GRK3: variants seen among roughly 807,000 people sequenced by gnomAD.
The protein encoded by GRK3 is G protein-coupled receptor kinase 3.
In GRK3, 54 loss-of-function variants were observed where a neutral mutation model predicts 95.7. The observed-to-expected ratio is 0.56, with a 90% CI of 0.45 to 0.71. GRK3 has a LOEUF of 0.71. Among genes scored for constraint, GRK3 ranks in the 30% least tolerant of loss-of-function variants. The pLI, the probability that GRK3 is intolerant of heterozygous loss-of-function variation, is 0.00. For synonymous variants in GRK3, 281 were observed against 290.8 expected, an observed-to-expected ratio of 0.97 and a Z score of 0.34; for missense variants, 649 against 851.2, an observed-to-expected ratio of 0.76 and a Z score of 2.96.
chr22:25,610,893 G>C (rs1285358102), intron 2 of GRK3, among the ~76,000 whole-genome samples: 1 of 151,884 alleles, frequency 6.6e-6, no homozygotes. Context: ...ATAGAGCCTT[G>C]CTGTGCTACC....
chr22:25,667,078 C>T (rs1025718790), intron 5 of GRK3, among the ~76,000 whole-genome samples: 2 of 152,140 alleles, frequency 1.3e-5, no homozygotes, highest in African/African-American at 2.4e-5. Context: ...TAGCCATGGA[C>T]CTTCTCAGAG....
chr22:25,617,492 T>C (rs761345966), intron 2 of GRK3, among the ~76,000 whole-genome samples: 1 of 152,250 alleles, frequency 6.6e-6, no homozygotes, highest in African/African-American at 2.4e-5. Flanking sequence ...ATAAATGTGC[T>C]CTGTACTTGT....
intron 6 of GRK3, among the ~76,000 whole-genome samples, chr22:25,670,935 T>TC (rs2084976764): frequency 6.8e-6 from 1 of 147,402 alleles, no homozygotes; most frequent in Non-Finnish European, 1.5e-5. Context: ...GCCCCTGTAG[T>TC]CCCAGCTACT....
At chr22:25,694,080 T>G (rs2085187398) in intron 12 of GRK3, among the ~76,000 whole-genome samples, 1 of 152,180 alleles carries the variant, frequency 6.6e-6, no homozygotes, top group Non-Finnish European at 1.5e-5. Context: ...CATGAGTCAG[T>G]GCACACGGCC....
chr22:25,674,211 C>T (rs2085008135), intron 7 of GRK3, among the ~76,000 whole-genome samples: 3 of 152,144 alleles, frequency 2.0e-5, no homozygotes, highest in Non-Finnish European at 4.4e-5. Context: ...CTTGTGCCTC[C>T]ATTTGGTGCC....
At chr22:25,619,185 G>A (rs1457564298) in intron 2 of GRK3, among the ~76,000 whole-genome samples, 1 of 152,034 alleles carries the variant, frequency 6.6e-6, no homozygotes, top group East Asian at 1.9e-4. Flanking sequence ...TGGCTTCCAG[G>A]TTACCCATAA....
At chr22:25,657,025 C>T (rs1480660049) in intron 3 of GRK3, among the ~76,000 whole-genome samples, 1 of 152,254 alleles carries the variant, frequency 6.6e-6, no homozygotes, top group South Asian at 2.1e-4. Context: ...GGAACTGAAA[C>T]AGGACTAGTG....
chr22:25,680,525 A>G lies in GRK3; in HGVS notation c.747+1610A>G, dbSNP rs143751320. Reference sequence around the variant, plus strand: ...AAATAAACGTTTTAATGTTGGAAAAACATAAGTATAGTTTTCATGTAATAT... The same window carrying G: ...AAATAAACGTTTTAATGTTGGAAAAGCATAAGTATAGTTTTCATGTAATAT... On this transcript the variant is annotated intron_variant, in intron 9 of 20. Transcript: ENST00000324198. Among the ~76,000 whole-genome samples the G allele has an allele frequency of 3.9e-5, 6 of 152,316 alleles. No individual in the cohort carries two copies. In the East Asian group the frequency reaches 1.2e-3, roughly 29 times the overall value.
chr22:25,675,980 G>A (rs2085025640), intron 8 of GRK3, among the ~76,000 whole-genome samples: 1 of 152,148 alleles, frequency 6.6e-6, no homozygotes, highest in Non-Finnish European at 1.5e-5. Flanking sequence ...TTTCTGCCTT[G>A]GACAAAGTTT....
chr22:25,680,105 T>A (rs1232522587), intron 9 of GRK3, among the ~76,000 whole-genome samples: 1 of 152,222 alleles, frequency 6.6e-6, no homozygotes, highest in Non-Finnish European at 1.5e-5. Flanking sequence ...TATTATTCTG[T>A]CATTAAAGTG....
At chr22:25,572,871 A>G (rs984644907) in intron 1 of GRK3, among the ~76,000 whole-genome samples, 3 of 152,224 alleles carry the variant, frequency 2.0e-5, no homozygotes, top group African/African-American at 4.8e-5. Flanking sequence ...TATGAATAAC[A>G]TAGGATTGTA....
At chr22:25,633,069 C>A (rs565647082) in intron 2 of GRK3, among the ~76,000 whole-genome samples, 1 of 151,738 alleles carries the variant, frequency 6.6e-6, no homozygotes, top group South Asian at 2.1e-4. Flanking sequence ...TGCCACCAAG[C>A]CTGGCTAATT....
chr22:25,565,619 C>T (rs1403364427), intron 1 of GRK3, among the ~76,000 whole-genome samples: 1 of 152,228 alleles, frequency 6.6e-6, no homozygotes, highest in Non-Finnish European at 1.5e-5. Context: ...TCCATCCTCT[C>T]ACCTCCCTCT....
In GRK3 at chr22:25,725,629, G is replaced by T; in HGVS notation, c.*3179G>T. 1 of 398,468 alleles carries T rather than the reference G, an allele frequency of 2.5e-6. No individual in the cohort carries two copies. Among genetic ancestry groups the T allele is most frequent in the South Asian group, 1.3e-4 (1 of 7,826 alleles). 24.7% of individuals were successfully genotyped at this position (398,468 alleles called of 1,614,324 possible). On this transcript the variant is annotated 3_prime_UTR_variant, in exon 21 of 21. Coordinates refer to ENST00000324198, the MANE Select transcript of GRK3 (RefSeq NM_005160.4). ...CTCTGATTGGTCCATTCACTGACGTGACAATTTCAGGTCCTATGTTTAAAA... is the reference window on the plus strand; with the variant it reads ...CTCTGATTGGTCCATTCACTGACGTTACAATTTCAGGTCCTATGTTTAAAA...
chr22:25,586,421 C>T (rs935696285), intron 1 of GRK3, among the ~76,000 whole-genome samples: 11 of 152,296 alleles, frequency 7.2e-5, no homozygotes, highest in Non-Finnish European at 1.2e-4. Flanking sequence ...ATACTCCATT[C>T]TTCATGATGT....
At chr22:25,572,884 A>G (rs1435292485) in intron 1 of GRK3, among the ~76,000 whole-genome samples, 1 of 152,196 alleles carries the variant, frequency 6.6e-6, no homozygotes, top group African/African-American at 2.4e-5. Context: ...GGATTGTAGT[A>G]TCTCATGTTT....
intron 1 of GRK3, among the ~76,000 whole-genome samples, chr22:25,586,452 C>T (rs569606752): frequency 6.6e-6 from 1 of 152,388 alleles, no homozygotes; most frequent in East Asian, 1.9e-4. Flanking sequence ...CATTGCATGT[C>T]TATATCAAAA....
intron 3 of GRK3, among the ~76,000 whole-genome samples, chr22:25,656,365 G>A (rs1015198435): frequency 2.6e-5 from 4 of 152,156 alleles, no homozygotes; most frequent in African/African-American, 9.7e-5. Flanking sequence ...CACCCAGGCT[G>A]GGGTGCAGTG....
chr22:25,640,141 T>A (rs1224537351), intron 2 of GRK3, among the ~76,000 whole-genome samples: 1 of 152,158 alleles, frequency 6.6e-6, no homozygotes, highest in African/African-American at 2.4e-5. Context: ...TAACTGTTAT[T>A]TCATTTTCTT....
Sources: gnomAD v4.1 joint callset for allele counts (sites outside exome capture counted in the v4.1 genomes callset) on GRCh38, gnomAD v4.1.1 for gene constraint, MANE v1.5 for transcripts, NCBI Gene and HGNC (gene_info 2026-07-23, HGNC 2026-07-21) for gene names.